BANK1: variants seen among roughly 807,000 people sequenced by gnomAD.
The protein encoded by BANK1 is B cell scaffold protein with ankyrin repeats 1, also known as B-cell scaffold protein with ankyrin repeats.
A neutral mutation model predicts 94.5 loss-of-function variants in BANK1; 95 were observed. The observed-to-expected ratio is 1.00, with a 90% CI of 0.85 to 1.19. The LOEUF is 1.19. BANK1 is among the 50% of genes most tolerant of loss of function. BANK1 has a pLI of 0.00. For synonymous variants in BANK1, 334 were observed against 308.4 expected (o/e 1.08, Z -0.87); for missense variants, 987 against 932.2 (o/e 1.06, Z -0.77).
intron 4 of BANK1, among the ~76,000 whole-genome samples, chr4:101,863,389 T>G (rs1727954353): frequency 6.6e-6 from 1 of 152,054 alleles, no homozygotes; most frequent in Admixed American, 6.5e-5. Context: ...AATCATCTTA[T>G]TAAACCTCAT....
intron 7 of BANK1, among the ~76,000 whole-genome samples, chr4:101,919,583 T>G (rs1446321644): frequency 2.6e-5 from 4 of 152,060 alleles, no homozygotes. Context: ...ATTTGATTGC[T>G]ATCATTGTAT....
At chr4:101,866,226 G>A (rs114057236) in intron 4 of BANK1, among the ~76,000 whole-genome samples, 4,924 of 152,116 alleles carry the variant, frequency 0.032, 281 homozygotes, top group African/African-American at 0.11. Context: ...ACTTTAATAG[G>A]TTTACTAGTA....
At chr4:101,896,501 G>A (rs73836633) in intron 6 of BANK1, among the ~76,000 whole-genome samples, 119 of 152,078 alleles carry the variant, frequency 7.8e-4, no homozygotes, top group African/African-American at 2.7e-3. Context: ...CTGCATAATG[G>A]TGAGGTTCCG....
At chr4:102,024,534 A>G (rs1727014811) in intron 8 of BANK1, among the ~76,000 whole-genome samples, 2 of 152,088 alleles carry the variant, frequency 1.3e-5, no homozygotes, top group Non-Finnish European at 2.9e-5. Context: ...AGTAGAGGGA[A>G]TTTGGATCAT....
chr4:102,044,802 A>C (rs1727824301), intron 11 of BANK1, among the ~76,000 whole-genome samples: 1 of 92,994 alleles, frequency 1.1e-5, no homozygotes, highest in Admixed American at 1.3e-4. Context: ...GCATTTTTTC[A>C]TGTGTTTTTT....
chr4:102,060,872 T>TTA (rs1242611223), intron 12 of BANK1, among the ~76,000 whole-genome samples: 6 of 152,204 alleles, frequency 3.9e-5, no homozygotes, highest in Non-Finnish European at 8.8e-5. Flanking sequence ...TGTTCAAATA[T>TTA]TAAGTTAAAA....
intron 10 of BANK1, chr4:102,036,689 C>G (rs1001920641): frequency 6.6e-6 from 1 of 152,152 alleles, no homozygotes; most frequent in Non-Finnish European, 1.5e-5. Flanking sequence ...GACCTGTGTT[C>G]ATACTGTCCA....
rs533470837 is a variant in BANK1, at chr4:101,909,326, G to C, written c.1010-8667G>C. Among the ~76,000 whole-genome samples the C allele has an allele frequency of 1.1e-3, 171 of 152,234 alleles. 1 individual carries two copies. The highest frequency in any genetic ancestry group is 3.9e-3 in the African/African-American group (164 of 41,550). Reference sequence around the variant, plus strand: ...CAAACACTGCACGTTCTCACTCATAGGTGAGAATTGAACAATGAGAACACT... The same window carrying C: ...CAAACACTGCACGTTCTCACTCATACGTGAGAATTGAACAATGAGAACACT... On this transcript the variant is annotated intron_variant, in intron 6 of 16. Coordinates refer to ENST00000322953, the MANE Select transcript of BANK1 (RefSeq NM_017935.5).
chr4:101,821,767 T>TA (rs2148859701), intron 1 of BANK1, among the ~76,000 whole-genome samples: 1 of 152,218 alleles, frequency 6.6e-6, no homozygotes, highest in South Asian at 2.1e-4. Flanking sequence ...GGAAGATGGT[T>TA]ATTGGAATTG....
chr4:101,844,207 T>A (rs923771454), intron 2 of BANK1, among the ~76,000 whole-genome samples: 1 of 152,176 alleles, frequency 6.6e-6, no homozygotes, highest in African/African-American at 2.4e-5. Flanking sequence ...GTGACAATAG[T>A]TCTAATGAGG....
intron 2 of BANK1, among the ~76,000 whole-genome samples, chr4:101,850,986 C>T (rs1290065866): frequency 6.6e-6 from 1 of 152,136 alleles, no homozygotes; most frequent in Non-Finnish European, 1.5e-5. Context: ...AATAAGCCTA[C>T]AATGGCCTCC....
At position 102,004,223 on chromosome 4, in the gene BANK1, A is replaced by C. The variant is rs138996338; in HGVS notation, c.1207-17291A>C. ...ATTGCCTGGCACATAGTAGGTGCCCAATTTATTTGTTGAATGAATGAATGT... is the reference window on the plus strand; with the variant it reads ...ATTGCCTGGCACATAGTAGGTGCCCCATTTATTTGTTGAATGAATGAATGT... On this transcript the variant is annotated intron_variant, in intron 7 of 16. Coordinates refer to ENST00000322953, the MANE Select transcript of BANK1 (RefSeq NM_017935.5). Among the ~76,000 whole-genome samples the C allele has an allele frequency of 5.1e-4, 78 of 152,276 alleles. 1 individual carries two copies. In the East Asian group the frequency reaches 0.014, roughly 27 times the overall value.
intron 4 of BANK1, among the ~76,000 whole-genome samples, chr4:101,865,107 T>TA (rs1485602641): frequency 6.6e-6 from 1 of 152,100 alleles, no homozygotes; most frequent in Non-Finnish European, 1.5e-5. Flanking sequence ...TGAGGCCCTT[T>TA]AGTCTTCATT....
At chr4:101,953,640 G>GCTCA (rs1724246019) in intron 7 of BANK1, among the ~76,000 whole-genome samples, 1 of 151,816 alleles carries the variant, frequency 6.6e-6, no homozygotes, top group Admixed American at 6.6e-5. Flanking sequence ...CTGACTTGAT[G>GCTCA]CTCACTTCAC....
intron 5 of BANK1, among the ~76,000 whole-genome samples, chr4:101,891,894 T>G (rs1428664876): frequency 6.6e-6 from 1 of 152,020 alleles, no homozygotes; most frequent in African/African-American, 2.4e-5. Context: ...AGCTTTCTAT[T>G]TTTTATTTGT....
chr4:101,862,917 T>C (rs1303859175), intron 4 of BANK1, among the ~76,000 whole-genome samples: 3 of 152,074 alleles, frequency 2.0e-5, no homozygotes, highest in Non-Finnish European at 4.4e-5. Flanking sequence ...TTTTTAAATA[T>C]GTCAGCAGAG....
intron 1 of BANK1, among the ~76,000 whole-genome samples, chr4:101,818,636 G>A (rs1578334835): frequency 6.6e-6 from 1 of 152,070 alleles, no homozygotes; most frequent in African/African-American, 2.4e-5. Flanking sequence ...GGAAGAGAAA[G>A]AGAAACCACA....
At chr4:101,893,184 A>G (rs755489696) in intron 5 of BANK1, among the ~76,000 whole-genome samples, 3 of 151,852 alleles carry the variant, frequency 2.0e-5, no homozygotes, top group Non-Finnish European at 2.9e-5. Context: ...AAATTTAACT[A>G]TATTATCTAT....
rs139750251 is a variant in BANK1, at chr4:101,824,840, T to A, written c.71-4968T>A. On this transcript the variant is annotated intron_variant, in intron 1 of 16. Transcript: ENST00000322953. ...GAAGAAAATCTGCCATTTGAAGCTGTGCATATGGAATAAGAAGAATTTTAA... is the reference window on the plus strand; with the variant it reads ...GAAGAAAATCTGCCATTTGAAGCTGAGCATATGGAATAAGAAGAATTTTAA... Among the ~76,000 whole-genome samples, 661 of 152,256 alleles carry A rather than the reference T, an allele frequency of 4.3e-3. 9 individuals carry two copies. Among genetic ancestry groups the A allele is most frequent in the African/African-American group, 0.015 (631 of 41,552 alleles).
Sources: allele counts gnomAD v4.1 joint callset (sites outside exome capture counted in the v4.1 genomes callset), GRCh38; gene constraint gnomAD v4.1.1; transcripts MANE v1.5; gene names NCBI Gene and HGNC (gene_info 2026-07-23, HGNC 2026-07-21).